The following GALNT6 variants were observed in gnomAD, a reference collection of about 807,000 sequenced individuals.
GALNT6 encodes the protein GalNAc transferase 6.
A neutral mutation model predicts 65.9 loss-of-function variants in GALNT6; 51 were observed. The ratio of observed to expected loss-of-function variants is 0.77; its 90% CI spans 0.62 to 0.98. The LOEUF (loss-of-function observed/expected upper bound fraction) is 0.98. Among genes scored for constraint, GALNT6 ranks in the 50% least tolerant of loss-of-function variants. GALNT6 has a pLI of 0.00. For missense variants in GALNT6, 708 were observed against 803.3 expected, an observed-to-expected ratio of 0.88 and a Z score of 1.43; for synonymous variants, 323 against 315.1, an observed-to-expected ratio of 1.02 and a Z score of -0.26.
intron 2 of GALNT6, among the ~76,000 whole-genome samples, chr12:51,380,981 G>A (rs3759176): frequency 0.034 from 5,156 of 152,244 alleles, 162 homozygotes; most frequent in Admixed American, 0.094. Flanking sequence ...CAAGCATGGT[G>A]TAATCCCAGC....
rs55812728 is a variant in GALNT6, at chr12:51,373,391, T to C, written c.664+3804A>G. On this transcript the variant is annotated intron_variant, in intron 4 of 11. Transcript: ENST00000356317. ...GATAGTAAGTTCTCACGAAATCTGA[T>C]GGTTTTATGAGGGGCTTCCCCTTTT... 7.9e-3 allele frequency among the ~76,000 whole-genome samples: 1,201 copies of C among 152,316 alleles called. 11 individuals are homozygous for C. The highest frequency in any genetic ancestry group is 0.027 in the African/African-American group (1,143 of 41,570).
chr12:51,386,123 G>A (rs916085290), intron 2 of GALNT6, among the ~76,000 whole-genome samples: 3 of 152,204 alleles, frequency 2.0e-5, no homozygotes, highest in African/African-American at 7.2e-5. Context: ...AGGATATTCT[G>A]CCATTACACA....
chr12:51,363,133 A>G (rs1301328344), intron 6 of GALNT6, among the ~76,000 whole-genome samples: 2 of 152,162 alleles, frequency 1.3e-5, no homozygotes, highest in East Asian at 1.9e-4. Flanking sequence ...CTGGATGTAT[A>G]TTCAGTTGAG....
intron 2 of GALNT6, among the ~76,000 whole-genome samples, chr12:51,389,667 G>A (rs1423268888): frequency 6.6e-6 from 1 of 152,226 alleles, no homozygotes; most frequent in Non-Finnish European, 1.5e-5. Flanking sequence ...CTGCCTCCCT[G>A]CACTGAGAGG....
At chr12:51,381,721 C>T (rs879600547) in intron 2 of GALNT6, among the ~76,000 whole-genome samples, 6 of 152,220 alleles carry the variant, frequency 3.9e-5, no homozygotes, top group Non-Finnish European at 5.9e-5. Context: ...ACCTAACTCA[C>T]AGGGTTGTGG....
intron 4 of GALNT6, among the ~76,000 whole-genome samples, chr12:51,372,552 A>G (rs147333312): frequency 1.6e-4 from 24 of 152,214 alleles, no homozygotes; most frequent in African/African-American, 5.5e-4. Context: ...TTTGGAGAGA[A>G]TTGGCTTTAG....
At chr12:51,359,107 C>T in intron 8 of GALNT6, 25 bp downstream of exon 8, 1 of 1,588,342 alleles carries the variant, frequency 6.3e-7, no homozygotes. Context: ...TCATCTAAAC[C>T]TCTCCGAGAA....
chr12:51,360,691 G>A, intron 7 of GALNT6, 30 bp downstream of exon 7: 1 of 1,274,466 alleles, frequency 7.8e-7, no homozygotes, highest in South Asian at 1.2e-5. Context: ...GGGATGTTGT[G>A]GTTCCCCCCA....
At chr12:51,356,128 G>T (rs1946736635) in intron 10 of GALNT6, among the ~76,000 whole-genome samples, 170 bp from the exon 11 acceptor site, 2 of 151,626 alleles carry the variant, frequency 1.3e-5, no homozygotes, top group Admixed American at 1.3e-4. Flanking sequence ...CCATATCAGG[G>T]TTATGCTGGA....
At chr12:51,354,594 CCCA>C in intron 11 of GALNT6, 102 bp from the exon 12 acceptor site, 1 of 683,008 alleles carries the variant, frequency 1.5e-6, no homozygotes, top group Non-Finnish European at 2.5e-6. Flanking sequence ...CCAAGGGAAC[CCCA>C]CAAGGCACAA....
intron 7 of GALNT6, 95 bp from the exon 8 acceptor site, chr12:51,359,427 C>A: frequency 1.2e-6 from 1 of 840,428 alleles, no homozygotes. Context: ...CACCAGACCC[C>A]AGGTCCAAGG....
intron 2 of GALNT6, among the ~76,000 whole-genome samples, chr12:51,382,706 G>A (rs1947713024): frequency 6.6e-6 from 1 of 152,200 alleles, no homozygotes; most frequent in Non-Finnish European, 1.5e-5. Context: ...ATTACAGGAA[G>A]AGCAATATGA....
intron 2 of GALNT6, among the ~76,000 whole-genome samples, chr12:51,383,925 G>A (rs1407052459): frequency 6.6e-6 from 1 of 152,028 alleles, no homozygotes; most frequent in Non-Finnish European, 1.5e-5. Flanking sequence ...CACCAGCCTT[G>A]GAGAAAGAAT....
In GALNT6 at chr12:51,365,411, C is replaced by T; in HGVS notation, c.814+19G>A. On this transcript the variant is annotated intron_variant, in intron 5 of 11. Coordinates refer to ENST00000356317, the MANE Select transcript of GALNT6 (RefSeq NM_007210.4). ...AGGGAGCCTCCAGGTTACACCCAGGCCGGTGCCCTGGTACTCACAGTGGGC... is the reference window on the plus strand; with the variant it reads ...AGGGAGCCTCCAGGTTACACCCAGGTCGGTGCCCTGGTACTCACAGTGGGC... 1 of 1,599,938 alleles carries T rather than the reference C, an allele frequency of 6.3e-7. No homozygotes were observed. Among genetic ancestry groups the T allele is most frequent in the African/African-American group, 1.3e-5 (1 of 74,804 alleles).
At chr12:51,383,265 G>T (rs575460995) in intron 2 of GALNT6, among the ~76,000 whole-genome samples, 80 of 152,276 alleles carry the variant, frequency 5.3e-4, no homozygotes, top group South Asian at 2.5e-3. Context: ...TTCTGGAACT[G>T]TCCCGGCTAA....
At chr12:51,362,191 C>T (rs989046353) in intron 6 of GALNT6, among the ~76,000 whole-genome samples, 1 of 152,204 alleles carries the variant, frequency 6.6e-6, no homozygotes, top group African/African-American at 2.4e-5. Context: ...CTTCCTCCCC[C>T]ACAGGCCCTG....
At chr12:51,378,249 G>C (rs1037266636) in intron 3 of GALNT6, among the ~76,000 whole-genome samples, 1 of 152,150 alleles carries the variant, frequency 6.6e-6, no homozygotes, top group Non-Finnish European at 1.5e-5. Context: ...CCACCTCCCA[G>C]GTTCAAGCGA....
chr12:51,355,726 C>T, intron 11 of GALNT6, 80 bp downstream of exon 11: 1 of 1,413,190 alleles, frequency 7.1e-7, no homozygotes. Context: ...CTCGGCCTCT[C>T]AAAGTGCTGG....
rs771228330 is a variant in GALNT6, at chr12:51,379,340, C to T, written c.442G>A (p.Asp148Asn). 29 of 1,534,226 alleles carry T rather than the reference C, an allele frequency of 1.9e-5. No individual in the cohort carries two copies. Among genetic ancestry groups the T allele is most frequent in the African/African-American group, 1.7e-4 (12 of 72,084 alleles). The change falls in exon 3 of 12, where the codon GAC becomes AAC. Residue 148 changes from aspartate (D) to asparagine (N), a missense_variant. Physicochemically the swap from Asp to Asn is conservative, Grantham distance 23. Transcript: ENST00000356317. ...KKHCFNAFAS[D>N]RISLQRSLGP... ...AGGGACCTCTGCAGGGAGATCCGGT[C>T]GCTGGCAAAGGCATTGAAACAGTGC...
Sources: allele counts gnomAD v4.1 joint callset (sites outside exome capture counted in the v4.1 genomes callset), GRCh38; gene constraint gnomAD v4.1.1; transcripts MANE v1.5; gene names NCBI Gene and HGNC (gene_info 2026-07-23, HGNC 2026-07-21).